The following CLVS1 variants were observed in gnomAD, a reference collection of about 807,000 sequenced individuals.
The protein encoded by CLVS1 is clavesin 1, also known as clavesin-1.
A neutral mutation model predicts 33.1 loss-of-function variants in CLVS1; 10 were observed. The observed-to-expected ratio is 0.30, with a 90% confidence interval of 0.19 to 0.51. The LOEUF (loss-of-function observed/expected upper bound fraction) is 0.51. CLVS1 is among the 20% of genes least tolerant of loss of function. The pLI, the probability that CLVS1 is intolerant of heterozygous loss-of-function variation, is 0.97. For missense variants in CLVS1, 343 were observed against 433.4 expected (o/e 0.79, Z 1.85); for synonymous variants, 163 against 166.1 (o/e 0.98, Z 0.14).
At chr8:61,312,427 A>G (rs1810861734) in intron 2 of CLVS1, among the ~76,000 whole-genome samples, 1 of 152,232 alleles carries the variant, frequency 6.6e-6, no homozygotes. Flanking sequence ...ATAACGTCAG[A>G]TAAGAAAGTA....
intron 2 of CLVS1, among the ~76,000 whole-genome samples, chr8:61,261,986 G>GTC (rs1563467619): frequency 4.6e-5 from 4 of 87,160 alleles, no homozygotes; most frequent in African/African-American, 2.5e-4. Context: ...GTGTGTGTGT[G>GTC]TGTGTGTGTG....
intron 5 of CLVS1, among the ~76,000 whole-genome samples, chr8:61,496,815 A>C (rs1804283032): frequency 6.6e-6 from 1 of 152,158 alleles, no homozygotes; most frequent in African/African-American, 2.4e-5. Flanking sequence ...TGGAAGGAAC[A>C]CTCGATGTTT....
chr8:61,319,777 A>T (rs1811131572), intron 2 of CLVS1, among the ~76,000 whole-genome samples: 1 of 152,234 alleles, frequency 6.6e-6, no homozygotes, highest in Admixed American at 6.5e-5. Context: ...CACCTTAAGC[A>T]GGATTTCTAA....
intron 2 of CLVS1, among the ~76,000 whole-genome samples, chr8:61,251,374 G>C (rs1808944177): frequency 3.3e-5 from 5 of 151,792 alleles, no homozygotes; most frequent in Admixed American, 3.3e-4. Flanking sequence ...GTGAAATTTT[G>C]TTTTTTTGTG....
intron 2 of CLVS1, among the ~76,000 whole-genome samples, chr8:61,207,330 A>ATTTGCAGCGGTGCATGGGCTCCAGGG (rs1563445338): frequency 1.2e-3 from 41 of 33,044 alleles, no homozygotes; most frequent in Admixed American, 0.012. Context: ...GGGCTCCAGG[A>ATTTGCAGCGGTGCATGGGCTCCAGGG]ATGTGCAGAG....
intron 2 of CLVS1, among the ~76,000 whole-genome samples, chr8:61,229,241 A>G (rs1808386389): frequency 6.6e-6 from 1 of 152,258 alleles, no homozygotes; most frequent in East Asian, 1.9e-4. Context: ...AGAAATCTTT[A>G]TTGAGTACCT....
intron 2 of CLVS1, among the ~76,000 whole-genome samples, chr8:61,244,096 T>G (rs1808757936): frequency 6.6e-6 from 1 of 152,040 alleles, no homozygotes; most frequent in Admixed American, 6.6e-5. Flanking sequence ...CCAGCTGAGG[T>G]CGAACCAAAT....
chr8:61,132,222 C>A (rs533979048), intron 2 of CLVS1, among the ~76,000 whole-genome samples: 1 of 152,216 alleles, frequency 6.6e-6, no homozygotes, highest in Non-Finnish European at 1.5e-5. Context: ...CTAAACTGAC[C>A]GAGTCTTGTT....
intron 3 of CLVS1, among the ~76,000 whole-genome samples, chr8:61,415,184 G>C (rs901961902): frequency 6.6e-6 from 1 of 152,168 alleles, no homozygotes. Flanking sequence ...ACTCTCACAG[G>C]CTTCGTTACT....
chr8:61,185,004 G>A (rs1484939201), intron 2 of CLVS1, among the ~76,000 whole-genome samples: 2 of 152,062 alleles, frequency 1.3e-5, no homozygotes, highest in African/African-American at 4.8e-5. Flanking sequence ...GTTTACATGT[G>A]TGTATATAAT....
At chr8:61,385,786 G>A (rs1030904647) in intron 3 of CLVS1, among the ~76,000 whole-genome samples, 7 of 152,106 alleles carry the variant, frequency 4.6e-5, no homozygotes, top group East Asian at 1.9e-4. Flanking sequence ...TGTCTGCGTC[G>A]TCTGTGTTCT....
chr8:61,326,159 T>C (rs1418755204), intron 2 of CLVS1, among the ~76,000 whole-genome samples: 1 of 152,190 alleles, frequency 6.6e-6, no homozygotes, highest in African/African-American at 2.4e-5. Flanking sequence ...AAAACCAATG[T>C]CATATGTTTT....
At chr8:61,233,414 A>G (rs1055292073) in intron 2 of CLVS1, among the ~76,000 whole-genome samples, 1 of 151,794 alleles carries the variant, frequency 6.6e-6, no homozygotes, top group Admixed American at 6.6e-5. Context: ...GCCATTCTCT[A>G]TCAACTCTTT....
At chr8:61,485,243 T>C (rs904538652) in intron 5 of CLVS1, among the ~76,000 whole-genome samples, 12 of 151,912 alleles carry the variant, frequency 7.9e-5, no homozygotes, top group Non-Finnish European at 1.5e-4. Context: ...CAAACAAATT[T>C]ACAAGAAAAA....
At chr8:61,189,234 G>C (rs866232919) in intron 2 of CLVS1, among the ~76,000 whole-genome samples, 9 of 152,140 alleles carry the variant, frequency 5.9e-5, no homozygotes, top group South Asian at 2.1e-4. Context: ...TTCTTAAAGA[G>C]AAGAATTTTC....
intron 2 of CLVS1, among the ~76,000 whole-genome samples, chr8:61,249,263 T>C (rs909107087): frequency 6.6e-6 from 1 of 152,232 alleles, no homozygotes; most frequent in African/African-American, 2.4e-5. Context: ...TCCTTTATTA[T>C]GGCCGTATAG....
intron 1 of CLVS1, among the ~76,000 whole-genome samples, chr8:61,065,125 A>G (rs1288123458): frequency 6.6e-6 from 1 of 152,230 alleles, no homozygotes; most frequent in East Asian, 1.9e-4. Context: ...CCGCAAGGAT[A>G]CTAAAATCCA....
chr8:61,384,043 G>A (rs975643938), intron 3 of CLVS1, among the ~76,000 whole-genome samples: 1 of 152,222 alleles, frequency 6.6e-6, no homozygotes, highest in Non-Finnish European at 1.5e-5. Flanking sequence ...AGTTAGGAAT[G>A]GCATCCTGGG....
intron 1 of CLVS1, among the ~76,000 whole-genome samples, chr8:61,078,131 G>C (rs1804959093): frequency 6.6e-6 from 1 of 152,202 alleles, no homozygotes; most frequent in Non-Finnish European, 1.5e-5. Context: ...TGCGTGCTAG[G>C]GCTGTGTGTC....
Sources: gnomAD v4.1 joint callset for allele counts (sites outside exome capture counted in the v4.1 genomes callset) on GRCh38, gnomAD v4.1.1 for gene constraint, MANE v1.5 for transcripts, NCBI Gene and HGNC (gene_info 2026-07-23, HGNC 2026-07-21) for gene names.